Variants in TMPRSS11F observed in about 807,000 individuals in gnomAD.
The protein encoded by TMPRSS11F is transmembrane protease serine 11F.
A neutral mutation model predicts 60.2 loss-of-function variants in TMPRSS11F; 47 were observed. The observed-to-expected ratio is 0.78, with a 90% CI of 0.62 to 1.00. TMPRSS11F has a LOEUF of 1.00. Among genes scored for constraint, TMPRSS11F ranks in the 50% least tolerant of loss-of-function variants. TMPRSS11F has a pLI of 0.00. For synonymous variants in TMPRSS11F, 166 were observed against 167.3 expected (o/e 0.99, Z 0.06); for missense variants, 519 against 522.9 (o/e 0.99, Z 0.07).
intron 1 of TMPRSS11F, among the ~76,000 whole-genome samples, chr4:68,125,477 G>A (rs1157760918): frequency 6.6e-6 from 1 of 152,086 alleles, no homozygotes; most frequent in African/African-American, 2.4e-5. Context: ...CACAGAATCT[G>A]AAATAGTAAA....
At chr4:68,076,027 T>G (rs1723577425) in intron 3 of TMPRSS11F, among the ~76,000 whole-genome samples, 1 of 151,790 alleles carries the variant, frequency 6.6e-6, no homozygotes, top group African/African-American at 2.4e-5. Flanking sequence ...TAAAGAACAC[T>G]TACAGCAGGA....
intron 1 of TMPRSS11F, among the ~76,000 whole-genome samples, chr4:68,121,919 A>G (rs1319214881): frequency 1.3e-5 from 2 of 152,232 alleles, no homozygotes; most frequent in East Asian, 3.8e-4. Context: ...AGAGCTTCTC[A>G]TTCTTGGAAT....
intron 3 of TMPRSS11F, among the ~76,000 whole-genome samples, chr4:68,085,921 A>G (rs938854391): frequency 3.3e-5 from 5 of 152,136 alleles, no homozygotes; most frequent in African/African-American, 4.8e-5. Context: ...CAGCTACACA[A>G]TTATGGTGGG....
intron 1 of TMPRSS11F, among the ~76,000 whole-genome samples, chr4:68,113,699 A>G (rs1037850809): frequency 2.0e-5 from 3 of 152,190 alleles, no homozygotes; most frequent in African/African-American, 7.2e-5. Flanking sequence ...TAAGACATCA[A>G]CACTCTTCTC....
chr4:68,085,649 T>C (rs1311302536), intron 3 of TMPRSS11F, among the ~76,000 whole-genome samples: 1 of 152,104 alleles, frequency 6.6e-6, no homozygotes, highest in Admixed American at 6.6e-5. Flanking sequence ...AAACACAAGA[T>C]TCTACAATCT....
intron 8 of TMPRSS11F, among the ~76,000 whole-genome samples, chr4:68,060,725 C>A (rs1194914562): frequency 2.0e-5 from 3 of 151,222 alleles, no homozygotes; most frequent in Non-Finnish European, 4.4e-5. Flanking sequence ...ATTCTCAAAC[C>A]TCATGTCATC....
chr4:68,079,166 C>T (rs981636754), intron 3 of TMPRSS11F, among the ~76,000 whole-genome samples: 5 of 151,118 alleles, frequency 3.3e-5, no homozygotes, highest in African/African-American at 1.2e-4. Flanking sequence ...GTTTAAAACT[C>T]ACACTACCTT....
intron 2 of TMPRSS11F, among the ~76,000 whole-genome samples, chr4:68,093,477 C>T (rs548372357): frequency 6.6e-6 from 1 of 152,252 alleles, no homozygotes; most frequent in South Asian, 2.1e-4. Flanking sequence ...TCATTCAGGA[C>T]ACAGGCATGG....
chr4:68,072,781 A>G (rs189294972), intron 4 of TMPRSS11F, among the ~76,000 whole-genome samples: 1 of 152,196 alleles, frequency 6.6e-6, no homozygotes, highest in East Asian at 1.9e-4. Flanking sequence ...GCGGGCGGAG[A>G]TGTTGGTGAA....
intron 3 of TMPRSS11F, among the ~76,000 whole-genome samples, chr4:68,081,339 T>C (rs1291367730): frequency 6.6e-6 from 1 of 152,254 alleles, no homozygotes; most frequent in Non-Finnish European, 1.5e-5. Context: ...TGGATTGTCC[T>C]GAGCATTCAG....
intron 3 of TMPRSS11F, among the ~76,000 whole-genome samples, chr4:68,074,707 G>A (rs1391970938): frequency 6.9e-6 from 1 of 144,906 alleles, no homozygotes. Context: ...AGCTTTCCCA[G>A]TCTAAGCCAT....
At position 68,068,599 on chromosome 4, in the gene TMPRSS11F, G is replaced by GGT; in HGVS notation, c.755+18_755+19insAC. 6.2e-7 allele frequency: 1 copy of GGT among 1,606,936 alleles called. No individual in the cohort carries two copies. The highest frequency in any genetic ancestry group is 8.5e-7 in the Non-Finnish European group (1 of 1,173,612). On this transcript the variant is annotated intron_variant, in intron 7 of 9. Transcript: ENST00000356291. ...GAGGACTGTGAAAAGAAGGCTCACAGCAGCCTTGGTTAACTTACTTCCAAA... is the reference window on the plus strand; with the variant it reads ...GAGGACTGTGAAAAGAAGGCTCACAGGTCAGCCTTGGTTAACTTACTTCCAAA...
intron 3 of TMPRSS11F, among the ~76,000 whole-genome samples, chr4:68,076,146 A>C (rs1180981928): frequency 6.6e-6 from 1 of 152,214 alleles, no homozygotes; most frequent in Non-Finnish European, 1.5e-5. Flanking sequence ...GTTTCTCAGA[A>C]TAACCATGGA....
At chr4:68,101,978 C>T (rs1239799577) in intron 1 of TMPRSS11F, among the ~76,000 whole-genome samples, 1 of 152,136 alleles carries the variant, frequency 6.6e-6, no homozygotes, top group Non-Finnish European at 1.5e-5. Flanking sequence ...CTCTGGCTGA[C>T]ATCTCCCCAT....
chr4:68,129,685 T>A lies in TMPRSS11F; in HGVS notation c.11+125A>T. On this transcript the variant is annotated intron_variant, in intron 1 of 9. Transcript: ENST00000356291. ...AATAAAACTTTAATATAAAATACAA[T>A]AACACACATTAAAACTCTAATGTTT... The A allele has an allele frequency of 1.3e-5, 11 of 822,846 alleles. No homozygotes were observed. The South Asian group carries it at 2.3e-4, about 17-fold the overall frequency. 51.0% of individuals were successfully genotyped at this position (822,846 alleles called of 1,614,324 possible).
intron 2 of TMPRSS11F, among the ~76,000 whole-genome samples, chr4:68,097,677 CT>C (rs938642555): frequency 6.6e-6 from 1 of 151,428 alleles, no homozygotes; most frequent in Non-Finnish European, 1.5e-5. Flanking sequence ...GGCTAAAATG[CT>C]TTTTTTGTCA....
At chr4:68,081,403 T>A (rs910994597) in intron 3 of TMPRSS11F, among the ~76,000 whole-genome samples, 1 of 152,256 alleles carries the variant, frequency 6.6e-6, no homozygotes, top group Non-Finnish European at 1.5e-5. Flanking sequence ...CCAGAACTCA[T>A]GTTTATATTT....
At chr4:68,058,223 T>A (rs1392613050) in intron 9 of TMPRSS11F, among the ~76,000 whole-genome samples, 1 of 152,182 alleles carries the variant, frequency 6.6e-6, no homozygotes, top group Non-Finnish European at 1.5e-5. Context: ...AGAGTAAATT[T>A]TAGATGTCTA....
intron 9 of TMPRSS11F, among the ~76,000 whole-genome samples, chr4:68,054,982 C>T (rs1015718177): frequency 6.6e-6 from 1 of 152,086 alleles, no homozygotes; most frequent in Non-Finnish European, 1.5e-5. Context: ...AAAGTTTCCC[C>T]TGATGAGTAT....
Sources: gnomAD v4.1 joint callset for allele counts (sites outside exome capture counted in the v4.1 genomes callset) on GRCh38, gnomAD v4.1.1 for gene constraint, MANE v1.5 for transcripts, NCBI Gene and HGNC (gene_info 2026-07-23, HGNC 2026-07-21) for gene names.